Variants in ERC1 observed in about 807,000 individuals in gnomAD.
ERC1 encodes the protein RAB6 interacting protein 2.
Under a neutral mutation model 132.0 loss-of-function variants are expected in ERC1, and 56 were observed. That is an observed-to-expected ratio of 0.42 (90% confidence interval 0.34 to 0.53). ERC1 has a LOEUF of 0.53. Among genes scored for constraint, ERC1 ranks in the 20% least tolerant of loss-of-function variants. The pLI, the probability that ERC1 is intolerant of heterozygous loss-of-function variation, is 0.03. For synonymous variants in ERC1, 478 were observed against 476.1 expected (o/e 1.00, Z -0.05); for missense variants, 1,202 against 1,349.9 (o/e 0.89, Z 1.72).
intron 18 of ERC1, among the ~76,000 whole-genome samples, chr12:1,451,094 C>A (rs999346209): frequency 6.6e-6 from 1 of 152,108 alleles, no homozygotes; most frequent in East Asian, 1.9e-4. Flanking sequence ...TATTTTCTCC[C>A]GTTCTGTGGT....
intron 1 of ERC1, among the ~76,000 whole-genome samples, chr12:1,023,189 G>A (rs541955156): frequency 7.2e-5 from 11 of 152,262 alleles, no homozygotes; most frequent in Non-Finnish European, 1.3e-4. Flanking sequence ...TTTTAATTCA[G>A]GTAGGATAGG....
chr12:1,488,116 T>C (rs1040518574), intron 18 of ERC1, among the ~76,000 whole-genome samples: 13 of 135,004 alleles, frequency 9.6e-5, no homozygotes, highest in African/African-American at 2.8e-4. Context: ...CCAGCCTGGG[T>C]GACAGAGCGA....
chr12:1,315,951 G>T (rs1029263241), intron 15 of ERC1, among the ~76,000 whole-genome samples: 7 of 151,980 alleles, frequency 4.6e-5, no homozygotes, highest in Non-Finnish European at 1.0e-4. Context: ...GAGTGCAGTG[G>T]TGCAGCCTTG....
At chr12:1,300,855 T>C (rs1385760659) in intron 15 of ERC1, among the ~76,000 whole-genome samples, 1 of 151,536 alleles carries the variant, frequency 6.6e-6, no homozygotes, top group African/African-American at 2.4e-5. Flanking sequence ...TCGGTGGGAG[T>C]ATAAATTAGT....
At chr12:1,308,025 T>C (rs1373349738) in intron 15 of ERC1, among the ~76,000 whole-genome samples, 1 of 152,130 alleles carries the variant, frequency 6.6e-6, no homozygotes, top group Non-Finnish European at 1.5e-5. Flanking sequence ...AAAGGTCACA[T>C]TTGTGTGAAT....
At chr12:1,292,424 A>G (rs558474603) in intron 15 of ERC1, among the ~76,000 whole-genome samples, 52 of 152,212 alleles carry the variant, frequency 3.4e-4, no homozygotes, top group Non-Finnish European at 6.6e-4. Flanking sequence ...ATATGATTTA[A>G]AAGATGATGT....
intron 2 of ERC1, among the ~76,000 whole-genome samples, chr12:1,059,717 G>A (rs974636121): frequency 2.0e-5 from 3 of 152,130 alleles, no homozygotes; most frequent in Non-Finnish European, 4.4e-5. Context: ...TCTTTTGAAT[G>A]TGCTGTTGGA....
intron 15 of ERC1, among the ~76,000 whole-genome samples, chr12:1,364,864 T>A (rs2086505269): frequency 6.6e-6 from 1 of 152,186 alleles, no homozygotes; most frequent in African/African-American, 2.4e-5. Context: ...CATGGGAAGA[T>A]CTATAATTTT....
At chr12:1,127,412 TA>T (rs1948310789) in intron 7 of ERC1, among the ~76,000 whole-genome samples, 1 of 152,066 alleles carries the variant, frequency 6.6e-6, no homozygotes, top group African/African-American at 2.4e-5. Flanking sequence ...GTTGGATAAA[TA>T]AAGTATTGTG....
intron 15 of ERC1, among the ~76,000 whole-genome samples, chr12:1,359,910 A>G (rs186349697): frequency 2.0e-4 from 31 of 152,042 alleles, no homozygotes; most frequent in African/African-American, 7.5e-4. Context: ...TACATTTTAT[A>G]TACAATTTGA....
At chr12:1,192,302 G>A (rs187425288) in intron 12 of ERC1, among the ~76,000 whole-genome samples, 3 of 152,266 alleles carry the variant, frequency 2.0e-5, no homozygotes, top group East Asian at 1.9e-4. Context: ...TATAAACTGA[G>A]CTCTGCTTAT....
chr12:1,138,139 T>C (rs1284502689), intron 7 of ERC1, among the ~76,000 whole-genome samples: 1 of 116,050 alleles, frequency 8.6e-6, no homozygotes, highest in African/African-American at 3.7e-5. Context: ...ATATATAATA[T>C]AATTATATTT....
At chr12:1,012,668 A>G (rs1301232226) in intron 1 of ERC1, among the ~76,000 whole-genome samples, 3 of 151,732 alleles carry the variant, frequency 2.0e-5, no homozygotes, top group Admixed American at 6.6e-5. Flanking sequence ...GTTGGCAAGG[A>G]TGGTCTCGAT....
intron 2 of ERC1, among the ~76,000 whole-genome samples, chr12:1,069,902 A>C (rs139300951): frequency 8.3e-4 from 126 of 152,340 alleles, no homozygotes; most frequent in Middle Eastern, 3.4e-3. Context: ...TTGTGAACCC[A>C]TATTATAAAG....
chr12:1,368,134 C>T (rs2086842059), intron 15 of ERC1, among the ~76,000 whole-genome samples: 1 of 151,950 alleles, frequency 6.6e-6, no homozygotes, highest in African/African-American at 2.4e-5. Context: ...TCAGAATGTG[C>T]TACACTAGCA....
At chr12:1,296,539 G>A (rs972268727) in intron 15 of ERC1, among the ~76,000 whole-genome samples, 2 of 148,822 alleles carry the variant, frequency 1.3e-5, no homozygotes, top group South Asian at 2.2e-4. Flanking sequence ...TCAGCCTCCC[G>A]AGTAGCTGGG....
chr12:1,213,835 C>T (rs1235212385), intron 12 of ERC1, among the ~76,000 whole-genome samples: 2 of 150,986 alleles, frequency 1.3e-5, no homozygotes, highest in African/African-American at 2.4e-5. Context: ...ACCCAGGAGG[C>T]GGAGGTTGCA....
chr12:1,404,547 CT>C lies in ERC1; in HGVS notation c.2926-3601del, dbSNP rs1332629661. Among the ~76,000 whole-genome samples the C allele has an allele frequency of 1.2e-4, 18 of 152,292 alleles. 1 individual carries two copies. The highest frequency in any genetic ancestry group is 4.3e-4 in the African/African-American group (18 of 41,556). On this transcript the variant is annotated intron_variant, in intron 16 of 18. Transcript: ENST00000360905. ...TTTCTCTTTTGAGTGAGACACTGTC[CT>C]CTTTAGGAGTTCAGTTTCCTACCAG...
chr12:1,144,291 G>A (rs1193078592), intron 8 of ERC1, among the ~76,000 whole-genome samples: 1 of 152,078 alleles, frequency 6.6e-6, no homozygotes, highest in Non-Finnish European at 1.5e-5. Flanking sequence ...GAGAACAGGT[G>A]GTGTTTGGTG....
Sources: gnomAD v4.1 joint callset for allele counts (sites outside exome capture counted in the v4.1 genomes callset) on GRCh38, gnomAD v4.1.1 for gene constraint, MANE v1.5 for transcripts, NCBI Gene and HGNC (gene_info 2026-07-23, HGNC 2026-07-21) for gene names.